Variants in SMC4 observed in about 807,000 individuals in gnomAD.
SMC4 encodes structural maintenance of chromosomes 4.
SMC4 carries 87 observed loss-of-function variants against 145.6 expected under a neutral mutation model. The ratio of observed to expected loss-of-function variants is 0.60; its 90% CI spans 0.50 to 0.71. SMC4 has a LOEUF of 0.71. Ranked by LOEUF, SMC4 falls within the 30% of genes least tolerant of loss-of-function variation. The pLI is 0.00. For missense variants in SMC4, 1,447 were observed against 1,537.1 expected (o/e 0.94, Z 0.98); for synonymous variants, 558 against 500.7 (o/e 1.11, Z -1.53).
In SMC4 at chr3:160,425,144, T is replaced by C. The variant is rs546700781; in HGVS notation, c.2478+125T>C. ...AAATATATAAGGGAGGGAGGATCTA[T>C]AGGCAGATATAACTCTTGATGATTT... is the stretch of plus-strand genomic sequence containing the variant. On this transcript the variant is annotated intron_variant, in intron 16 of 23. Transcript: ENST00000357388. 17 of 1,333,576 alleles carry C rather than the reference T, an allele frequency of 1.3e-5. No individual in the cohort carries two copies. The East Asian group carries it at 2.8e-4, about 22-fold the overall frequency. The allele number at this position is 1,333,576 out of a possible 1,614,324, so 82.6% of individuals were successfully genotyped here. A position where few individuals can be genotyped will look rare whatever the true frequency, so the allele number is the denominator to read the frequency against.
chr3:160,404,963 G>GA, intron 5 of SMC4: 1 of 290,406 alleles, frequency 3.4e-6, no homozygotes, highest in Non-Finnish European at 6.8e-6. Flanking sequence ...ACCAAAAAAT[G>GA]AAAAAATCTG....
Position 160,424,951 on chromosome 3 carries a change from GTAGTT to G in SMC4, c.2411_2415del (p.Val804GlufsTer5). 6.2e-7 allele frequency: 1 copy of G among 1,613,908 alleles called. No individual in the cohort carries two copies. The highest frequency in any genetic ancestry group is 1.1e-5 in the South Asian group (1 of 91,068). On this transcript the variant is annotated frameshift_variant, in exon 16 of 24. Transcript: ENST00000357388. LOFTEE classifies it high-confidence loss of function. ...ACAGAAAGTACAACTTGAAGAAAGA[GTAGTT>G]AAGTTACGGCATAGTGAACGAGAAA...
chr3:160,414,515 A>C lies in SMC4; in HGVS notation c.1270A>C (p.Lys424Gln). 1 of 1,610,318 alleles carries C rather than the reference A, an allele frequency of 6.2e-7. No individual in the cohort carries two copies. Among genetic ancestry groups the C allele is most frequent in the Non-Finnish European group, 8.5e-7 (1 of 1,178,696 alleles). ...LEKQLQKDKE[K>Q]VEEFKSIPAK... is the part of the protein sequence containing the mutation. ...GAAACAACTTCAAAAAGATAAAGAA[A>C]AGGTAGGTGTTAGAAAAAAATTCTT... Residue 424 changes from lysine (K) to glutamine (Q), a missense_variant and splice_region_variant, in exon 9 of 24, where the codon AAG becomes CAG. Lys to Gln is a moderately conservative substitution (Grantham distance 53, BLOSUM62 1). Coordinates refer to ENST00000357388, the MANE Select transcript of SMC4 (RefSeq NM_001002800.3).
chr3:160,428,983 T>A, intron 18 of SMC4, 41 bp downstream of exon 18: 1 of 1,467,184 alleles, frequency 6.8e-7, no homozygotes, highest in Non-Finnish European at 9.2e-7. Flanking sequence ...TCCCTTTCCC[T>A]GCCTTCACAT....
At chr3:160,405,569 T>C (rs1380698146) in intron 5 of SMC4, among the ~76,000 whole-genome samples, 1 of 152,080 alleles carries the variant, frequency 6.6e-6, no homozygotes, top group Non-Finnish European at 1.5e-5. Context: ...CTAAAAATTA[T>C]TACTTTTAGA....
In SMC4 at chr3:160,419,658, TTTTG is replaced by T. The variant is rs1020408704; in HGVS notation, c.1857+123_1857+126del. ...GTCACTGTATATAAAATAAGATTCA[TTTTG>T]TTTGTTTTAAGGCACATTTATTTTT... On this transcript the variant is annotated intron_variant, in intron 12 of 23. Coordinates refer to ENST00000357388, the MANE Select transcript of SMC4 (RefSeq NM_001002800.3). The T allele has an allele frequency of 2.4e-5, 23 of 977,334 alleles. No homozygotes were observed. The East Asian group carries it at 3.1e-4, about 13-fold the overall frequency. 60.5% of individuals were successfully genotyped at this position (977,334 alleles called of 1,614,324 possible). A position where few individuals can be genotyped will look rare whatever the true frequency, so the allele number is the denominator to read the frequency against.
At chr3:160,410,961 A>G (rs878968303) in intron 5 of SMC4, among the ~76,000 whole-genome samples, 4 of 152,196 alleles carry the variant, frequency 2.6e-5, no homozygotes, top group South Asian at 2.1e-4. Flanking sequence ...GCCTGTACCT[A>G]TTCTTCCATT....
intron 4 of SMC4, among the ~76,000 whole-genome samples, 198 bp downstream of exon 4, chr3:160,403,065 G>T (rs1211532406): frequency 6.6e-6 from 1 of 152,128 alleles, no homozygotes; most frequent in African/African-American, 2.4e-5. Flanking sequence ...AAGAAATGAA[G>T]TATAAATAGT....
At chr3:160,415,334 G>A (rs1408708058) in intron 9 of SMC4, among the ~76,000 whole-genome samples, 1 of 152,360 alleles carries the variant, frequency 6.6e-6, no homozygotes, top group East Asian at 1.9e-4. Flanking sequence ...ACTGCATCCA[G>A]CCTGGGTGAC....
intron 5 of SMC4, 176 bp downstream of exon 5, chr3:160,404,680 A>G (rs771871417): frequency 6.6e-6 from 5 of 761,292 alleles, no homozygotes; most frequent in Non-Finnish European, 1.2e-5. Flanking sequence ...ATTTAAGGAA[A>G]TTCATTCAAA....
intron 22 of SMC4, 171 bp downstream of exon 22, chr3:160,432,686 A>C (rs534057870): frequency 7.3e-5 from 40 of 546,016 alleles, no homozygotes; most frequent in Non-Finnish European, 1.9e-5. Context: ...ACAGGGGCAG[A>C]CAGCCAGTAT....
At position 160,411,937 on chromosome 3, in the gene SMC4, T is replaced by C. The variant is rs369856117; in HGVS notation, c.705T>C (p.Ile235=). 53 of 1,612,472 alleles carry C rather than the reference T, an allele frequency of 3.3e-5. No individual in the cohort carries two copies. Among genetic ancestry groups the C allele is most frequent in the Non-Finnish European group, 4.2e-5 (50 of 1,179,302 alleles). ...FLILQGEVEQ[I]AMMKPKGQTE... ...TTTTAAAGGGTGAAGTTGAACAAAT[T>C]GCTATGATGAAACCAAAAGGCCAGA... Residue 235 remains isoleucine (I), a synonymous_variant, in exon 6 of 24, where the codon ATT becomes ATC. Coordinates refer to ENST00000357388, the MANE Select transcript of SMC4 (RefSeq NM_001002800.3).
chr3:160,409,709 A>C (rs1715767140), intron 5 of SMC4, among the ~76,000 whole-genome samples: 1 of 152,168 alleles, frequency 6.6e-6, no homozygotes, highest in Admixed American at 6.5e-5. Context: ...TGAATTGGGT[A>C]GAATATTAAT....
rs1717464110 is a variant in SMC4, at chr3:160,423,797, G to A, written c.2282G>A (p.Gly761Glu). ...MTGGGSKVMK[G>E]RMGSSLVIEI... ...GGTGGTGGAAGCAAAGTAATGAAAG[G>A]AAGAATGGGTTCCTCACTTGTTATT... Residue 761 changes from glycine to glutamate, a missense_variant, in exon 15 of 24, where the codon GGA becomes GAA. Physicochemically the swap from Gly to Glu is moderately conservative, Grantham distance 98. Coordinates refer to ENST00000357388, the MANE Select transcript of SMC4 (RefSeq NM_001002800.3). 2 of 1,613,682 alleles carry A rather than the reference G, an allele frequency of 1.2e-6. No individual in the cohort carries two copies. Among genetic ancestry groups the A allele is most frequent in the South Asian group, 2.2e-5 (2 of 91,044 alleles).
chr3:160,401,029 GC>G, intron 2 of SMC4, 64 bp downstream of exon 2: 1 of 1,357,340 alleles, frequency 7.4e-7, no homozygotes. Context: ...AACGCGCCCA[GC>G]CCGAGGCTGG....
At chr3:160,424,841 G>A in intron 15 of SMC4, 26 bp from the exon 16 acceptor site, 1 of 1,611,992 alleles carries the variant, frequency 6.2e-7, no homozygotes, top group Non-Finnish European at 8.5e-7. Flanking sequence ...ATCTGAAATG[G>A]CTCTTAGAGA....
At chr3:160,405,238 A>G (rs1427151226) in intron 5 of SMC4, among the ~76,000 whole-genome samples, 1 of 151,992 alleles carries the variant, frequency 6.6e-6, no homozygotes, top group Non-Finnish European at 1.5e-5. Context: ...TTCTTTAAGT[A>G]AAAGTATATT....
chr3:160,412,061 T>C lies in SMC4; in HGVS notation c.829T>C (p.Leu277=), dbSNP rs754016958. The C allele has an allele frequency of 1.2e-6, 2 of 1,613,318 alleles. No homozygotes were observed. The highest frequency in any genetic ancestry group is 1.1e-5 in the South Asian group (1 of 91,062). The change falls in exon 6 of 24, where the codon TTA becomes CTA. Residue 277 remains leucine, a synonymous_variant. Coordinates refer to ENST00000357388, the MANE Select transcript of SMC4 (RefSeq NM_001002800.3). ...IKVLCRRVEI[L]NEHRGEKLNR... Reference sequence around the variant, plus strand: ...AGTCTTGTGTCGGAGAGTTGAAATATTAAATGAACACAGAGGAGAGAAGGT... The same window carrying C: ...AGTCTTGTGTCGGAGAGTTGAAATACTAAATGAACACAGAGGAGAGAAGGT...
At chr3:160,423,981 G>A in intron 15 of SMC4, 141 bp downstream of exon 15, 18 of 516,812 alleles carry the variant, frequency 3.5e-5, no homozygotes, top group South Asian at 1.3e-4. Context: ...AAATGACTAG[G>A]GATTTTTTAT....
Sources: gnomAD v4.1 joint callset for allele counts (sites outside exome capture counted in the v4.1 genomes callset) on GRCh38, gnomAD v4.1.1 for gene constraint, MANE v1.5 for transcripts, NCBI Gene and HGNC (gene_info 2026-07-23, HGNC 2026-07-21) for gene names.